Variants in TNN observed in about 807,000 individuals in gnomAD.
The protein encoded by TNN is tenascin-N.
A neutral mutation model predicts 134.4 loss-of-function variants in TNN; 122 were observed. That is an observed-to-expected ratio of 0.91 (90% CI 0.78 to 1.06). TNN has a LOEUF of 1.06. TNN is among the 50% of genes least tolerant of loss of function. The probability of loss-of-function intolerance (pLI) is 0.00; values close to 1 mark genes in which losing one functional copy is unlikely to be tolerated. For missense variants in TNN, 1,739 were observed against 1,699.4 expected (o/e 1.02, Z -0.41); for synonymous variants, 710 against 670.3 (o/e 1.06, Z -0.91).
chr1:175,088,753 A>G (rs905693158), intron 6 of TNN, among the ~76,000 whole-genome samples: 3 of 152,366 alleles, frequency 2.0e-5, no homozygotes, highest in African/African-American at 7.2e-5. Flanking sequence ...TGCAGGATGT[A>G]TCTGGGCCAA....
chr1:175,080,768 T>C (rs1447751647), intron 4 of TNN, among the ~76,000 whole-genome samples: 3 of 152,144 alleles, frequency 2.0e-5, no homozygotes, highest in East Asian at 3.9e-4. Flanking sequence ...CAGATAGGTA[T>C]GGGTGAGAGG....
intron 6 of TNN, 119 bp from the exon 7 acceptor site, chr1:175,093,871 C>A: frequency 9.7e-7 from 1 of 1,030,964 alleles, no homozygotes; most frequent in East Asian, 2.6e-5. Flanking sequence ...GGAGAGACCC[C>A]CTTGTATTGC....
chr1:175,080,286 C>T lies in TNN; in HGVS notation c.908C>T (p.Ser303Phe), dbSNP rs373390086. 6.2e-7 allele frequency: 1 copy of T among 1,613,998 alleles called. No individual in the cohort carries two copies. Among genetic ancestry groups the T allele is most frequent in the African/African-American group, 1.3e-5 (1 of 74,900 alleles). ...TACTACCCCCTGGGGAAGGAGCTCT[C>T]TGGGAAGCAGATCCAAGTGCCCAAG... ...LSYYPLGKELSGKQIQVPKEQ... is the reference protein window; with the variant it reads ...LSYYPLGKELFGKQIQVPKEQ... The change falls in exon 4 of 19, where the codon TCT becomes TTT. Residue 303 changes from serine to phenylalanine, a missense_variant. Physicochemically the swap from Ser to Phe is radical, Grantham distance 155. Coordinates refer to ENST00000239462, the MANE Select transcript of TNN (RefSeq NM_022093.2).
rs748439774 is a variant in TNN at position 175,146,931 on chromosome 1, G to A, written c.3760G>A (p.Gly1254Arg). The A allele has an allele frequency of 3.3e-6, 5 of 1,508,082 alleles. 1 individual carries two copies. The South Asian group carries it at 5.4e-5, about 16-fold the overall frequency. 93.4% of individuals were successfully genotyped at this position (1,508,082 alleles called of 1,614,324 possible). Residue 1254 changes from glycine (G) to arginine (R), a missense_variant and splice_region_variant, in exon 19 of 19, where the codon GGG becomes AGG. Transcript: ENST00000239462. ...GTGGCTTTTTTTTTTTTTTTGGTAG[G>A]GGGTGAACTGGGAGCCTTGGAAAGG... Reference protein sequence around the residue: ...GRYGETKHSEGVNWEPWKGHE... With the variant: ...GRYGETKHSERVNWEPWKGHE...
chr1:175,136,825 TGAC>T lies in TNN; in HGVS notation c.3433_3435del (p.Asp1145del), dbSNP rs763854437. The T allele has an allele frequency of 2.3e-5, 37 of 1,613,292 alleles. No homozygotes were observed. Among genetic ancestry groups the T allele is most frequent in the Non-Finnish European group, 3.0e-5 (35 of 1,179,654 alleles). On this transcript the variant is annotated inframe_deletion, in exon 17 of 19. Coordinates refer to ENST00000239462, the MANE Select transcript of TNN (RefSeq NM_022093.2). ...AATTCCGTTTTTTATTTTTAGGACT[TGAC>T]AAGCTACACAACCTCACCACCGGCA...
At chr1:175,128,474 GC>G in intron 14 of TNN, 120 bp from the exon 15 acceptor site, 1 of 1,239,816 alleles carries the variant, frequency 8.1e-7, no homozygotes, top group South Asian at 1.5e-5. Flanking sequence ...GTTGGAAGAA[GC>G]TGAAGTAGGA....
chr1:175,110,118 A>AT (rs1439382869), intron 9 of TNN, among the ~76,000 whole-genome samples: 4 of 152,000 alleles, frequency 2.6e-5, no homozygotes, highest in Non-Finnish European at 2.9e-5. Flanking sequence ...GATGTTGAAC[A>AT]TTTTTTCGTA....
rs1305362409 is a variant in TNN at position 175,123,403 on chromosome 1, T to C, written c.2654T>C (p.Ile885Thr). The C allele has an allele frequency of 2.5e-6, 4 of 1,613,452 alleles. No individual in the cohort carries two copies. Among genetic ancestry groups the C allele is most frequent in the Non-Finnish European group, 2.5e-6 (3 of 1,179,872 alleles). The change falls in exon 12 of 19, where the codon ATT becomes ACT. Residue 885 changes from isoleucine (I) to threonine (T), a missense_variant. Transcript: ENST00000239462. ...KKADTKAQTE[I>T]DGPKNLVTDW... ...TTTTCTAAATCTTTTTAAAAAGAAA[T>C]TGACGGCCCCAAAAACCTAGTGACT...
rs200816440 is a variant in TNN at position 175,079,444 on chromosome 1, C to T, written c.521C>T (p.Ala174Val). The change falls in exon 3 of 19, where the codon GCG becomes GTG. Residue 174 changes from alanine to valine, a missense_variant. Ala to Val is a moderately conservative substitution (Grantham distance 64). Coordinates refer to ENST00000239462, the MANE Select transcript of TNN (RefSeq NM_022093.2). ...PACERLACPG[A>V]CSGHGRCVDG... ...TGCGAGCGGCTGGCCTGCCCCGGGG[C>T]GTGCAGCGGCCACGGGCGTTGCGTG... The T allele has an allele frequency of 6.3e-7, 1 of 1,577,420 alleles. No homozygotes were observed.
At chr1:175,079,277 G>A in intron 2 of TNN, 56 bp from the exon 3 acceptor site, 4 of 1,515,676 alleles carry the variant, frequency 2.6e-6, no homozygotes, top group Non-Finnish European at 3.5e-6. Flanking sequence ...TCAGAGGAAG[G>A]AGATCCCCAC....
rs1674256862 is a variant in TNN at position 175,083,821 on chromosome 1, C to T, written c.1120C>T (p.Pro374Ser). 1 of 1,614,198 alleles carries T rather than the reference C, an allele frequency of 6.2e-7. No homozygotes were observed. The highest frequency in any genetic ancestry group is 1.1e-5 in the South Asian group (1 of 91,082). Reference sequence around the variant, plus strand: ...CTCCCTTGACGTGGAGTGGGAAAACCCCTCAACTGAGGTGGACTACTACAA... The same window carrying T: ...CTCCCTTGACGTGGAGTGGGAAAACTCCTCAACTGAGGTGGACTACTACAA... ...ENSLDVEWEN[P>S]STEVDYYKLR... The change falls in exon 5 of 19, where the codon CCC becomes TCC. Residue 374 changes from proline (P) to serine (S), a missense_variant. Coordinates refer to ENST00000239462, the MANE Select transcript of TNN (RefSeq NM_022093.2).
At chr1:175,076,652 C>T (rs1674046234) in intron 1 of TNN, among the ~76,000 whole-genome samples, 3 of 152,102 alleles carry the variant, frequency 2.0e-5, no homozygotes. Context: ...GGATGCTGGC[C>T]CTGCAGTCAG....
At chr1:175,100,168 T>C (rs1674682337) in intron 9 of TNN, among the ~76,000 whole-genome samples, 1 of 152,228 alleles carries the variant, frequency 6.6e-6, no homozygotes, top group African/African-American at 2.4e-5. Flanking sequence ...TCCCCAAGCT[T>C]TGGGCTTTCT....
intron 2 of TNN, 130 bp from the exon 3 acceptor site, chr1:175,079,203 G>C: frequency 6.4e-5 from 60 of 936,488 alleles, no homozygotes; most frequent in Middle Eastern, 2.4e-4. Context: ...AGCCGTGCAA[G>C]ACCCAGAAAT....
At chr1:175,130,406 C>T (rs1675647996) in intron 15 of TNN, among the ~76,000 whole-genome samples, 1 of 152,206 alleles carries the variant, frequency 6.6e-6, no homozygotes, top group Non-Finnish European at 1.5e-5. Flanking sequence ...ATAAAAACAA[C>T]AGAGCAGAAT....
At chr1:175,144,674 C>G in intron 18 of TNN, 124 bp downstream of exon 18, 1 of 1,073,248 alleles carries the variant, frequency 9.3e-7, no homozygotes, top group Non-Finnish European at 1.3e-6. Flanking sequence ...AGCAGTAGAG[C>G]TTCTCCTCCA....
intron 15 of TNN, among the ~76,000 whole-genome samples, chr1:175,134,810 A>G (rs1054762290): frequency 3.2e-4 from 49 of 151,776 alleles, no homozygotes; most frequent in African/African-American, 1.2e-3. Context: ...TCTGCACTCT[A>G]CAGTGGTCTC....
chr1:175,112,353 C>A (rs1363728545), intron 9 of TNN, among the ~76,000 whole-genome samples: 1 of 151,964 alleles, frequency 6.6e-6, no homozygotes, highest in African/African-American at 2.4e-5. Flanking sequence ...TATCCTCTTG[C>A]TGAATTGATC....
intron 1 of TNN, among the ~76,000 whole-genome samples, chr1:175,072,264 CA>C (rs1358429290): frequency 1.3e-5 from 2 of 152,144 alleles, no homozygotes; most frequent in Non-Finnish European, 2.9e-5. Flanking sequence ...CCACACCACC[CA>C]ACACCCCTTC....
Sources: gnomAD v4.1 joint callset for allele counts (sites outside exome capture counted in the v4.1 genomes callset) on GRCh38, gnomAD v4.1.1 for gene constraint, MANE v1.5 for transcripts, NCBI Gene and HGNC (gene_info 2026-07-23, HGNC 2026-07-21) for gene names.